Variants in MTSS1 observed in about 807,000 individuals in gnomAD.
The protein encoded by MTSS1 is protein MTSS 1.
MTSS1 carries 18 observed loss-of-function variants against 79.0 expected under a neutral mutation model. The ratio of observed to expected loss-of-function variants is 0.23; its 90% CI spans 0.16 to 0.34. The LOEUF is 0.34. Among genes scored for constraint, MTSS1 ranks in the 10% least tolerant of loss-of-function variants. The pLI is 1.00. For synonymous variants in MTSS1, 341 were observed against 368.6 expected (o/e 0.93, Z 0.86); for missense variants, 815 against 986.2 (o/e 0.83, Z 2.33).
chr8:124,572,747 T>TTC (rs1316285252), intron 6 of MTSS1, among the ~76,000 whole-genome samples: 1 of 147,056 alleles, frequency 6.8e-6, no homozygotes, highest in African/African-American at 2.5e-5. Flanking sequence ...TCTTTTCTTT[T>TTC]TTTTTTTTTT....
At chr8:124,569,915 C>T (rs1586879164) in intron 6 of MTSS1, among the ~76,000 whole-genome samples, 1 of 152,158 alleles carries the variant, frequency 6.6e-6, no homozygotes, top group African/African-American at 2.4e-5. Flanking sequence ...ATTCTCTGCC[C>T]CACCGCCTCG....
At chr8:124,572,661 A>G (rs546751578) in intron 6 of MTSS1, among the ~76,000 whole-genome samples, 4 of 152,074 alleles carry the variant, frequency 2.6e-5, no homozygotes, top group African/African-American at 9.6e-5. Context: ...ACAGATGCCA[A>G]CAGCCCCTAA....
chr8:124,658,769 C>T (rs1248676562), intron 3 of MTSS1, among the ~76,000 whole-genome samples: 6 of 152,114 alleles, frequency 3.9e-5, no homozygotes, highest in Non-Finnish European at 5.9e-5. Flanking sequence ...GGGGGAAATC[C>T]ACCCCCACAG....
chr8:124,598,741 C>T (rs943160772), intron 3 of MTSS1, among the ~76,000 whole-genome samples: 3 of 152,198 alleles, frequency 2.0e-5, no homozygotes, highest in Admixed American at 2.0e-4. Context: ...AGGCACTAAC[C>T]CCCTCTCCTA....
rs112524401 is a variant in MTSS1 at position 124,578,847 on chromosome 8, G to A, written c.460+6240C>T. ...CCCACCTAGGCCTCCCAAAGTGCTG[G>A]GATTACAGGCATGAGCCACCACGCC... On this transcript the variant is annotated intron_variant, in intron 6 of 13. Coordinates refer to ENST00000518547, the MANE Select transcript of MTSS1 (RefSeq NM_014751.6). 7.0e-3 allele frequency among the ~76,000 whole-genome samples: 1,056 copies of A among 151,726 alleles called. 13 individuals are homozygous for A. Among genetic ancestry groups the A allele is most frequent in the African/African-American group, 0.024 (1,005 of 41,446 alleles).
intron 3 of MTSS1, among the ~76,000 whole-genome samples, chr8:124,628,787 T>C (rs1815260634): frequency 6.6e-6 from 1 of 152,206 alleles, no homozygotes; most frequent in Non-Finnish European, 1.5e-5. Context: ...AGGCAATTCT[T>C]CATTGCCCAT....
intron 3 of MTSS1, among the ~76,000 whole-genome samples, chr8:124,657,657 G>C (rs1821220140): frequency 6.6e-6 from 1 of 152,178 alleles, no homozygotes; most frequent in African/African-American, 2.4e-5. Flanking sequence ...ATGGACAAGA[G>C]CACGTTCACA....
chr8:124,604,548 T>C (rs1038509265), intron 3 of MTSS1, among the ~76,000 whole-genome samples: 3 of 151,958 alleles, frequency 2.0e-5, no homozygotes, highest in South Asian at 2.1e-4. Flanking sequence ...TAACAACTCA[T>C]TTTAATCTTC....
intron 6 of MTSS1, among the ~76,000 whole-genome samples, chr8:124,578,392 C>T (rs932658602): frequency 8.5e-5 from 13 of 152,106 alleles, no homozygotes; most frequent in African/African-American, 3.1e-4. Context: ...ATCCCCTCCT[C>T]ATTCTTCAAC....
intron 9 of MTSS1, 81 bp from the exon 10 acceptor site, chr8:124,563,073 G>T: frequency 8.2e-7 from 1 of 1,223,588 alleles, no homozygotes; most frequent in Admixed American, 2.1e-5. Flanking sequence ...GAGGAAGGAG[G>T]GGAACAGATG....
At chr8:124,686,007 G>A (rs781160497) in intron 3 of MTSS1, among the ~76,000 whole-genome samples, 31 of 152,166 alleles carry the variant, frequency 2.0e-4, no homozygotes, top group Non-Finnish European at 3.5e-4. Flanking sequence ...GGAGCACCAC[G>A]ACCTCTCATC....
At chr8:124,589,591 G>C (rs749108297) in intron 5 of MTSS1, 29 bp downstream of exon 5, 3 of 1,580,152 alleles carry the variant, frequency 1.9e-6, no homozygotes, top group East Asian at 2.3e-5. Context: ...CCAGCGTGCA[G>C]TGATGCGCTA....
chr8:124,669,974 T>C (rs187178218), intron 3 of MTSS1, among the ~76,000 whole-genome samples: 2 of 152,308 alleles, frequency 1.3e-5, no homozygotes, highest in Admixed American at 6.5e-5. Flanking sequence ...ATTCACTCAA[T>C]AAATATTTAC....
rs1018388979 is a variant in MTSS1, at chr8:124,727,098, A to G, written c.72+786T>C. Among the ~76,000 whole-genome samples, 5 of 151,872 alleles carry G rather than the reference A, an allele frequency of 3.3e-5. No homozygotes were observed. Among genetic ancestry groups the G allele is most frequent in the South Asian group, 4.2e-4 (2 of 4,794 alleles). ...TCCCCGCCCCCACGCGCGCGCGCGC[A>G]CACACACATGCACGCGCGCACACAC... On this transcript the variant is annotated intron_variant, in intron 1 of 13. Transcript: ENST00000518547. The surrounding 1 kb of genome is among the most constrained non-coding windows in gnomAD (Gnocchi z 4.7).
intron 3 of MTSS1, among the ~76,000 whole-genome samples, chr8:124,643,971 G>C (rs778046621): frequency 6.6e-6 from 1 of 151,906 alleles, no homozygotes; most frequent in South Asian, 2.1e-4. Context: ...GTGTGGGTAT[G>C]TGTCTGTGAT....
At chr8:124,610,148 T>A (rs1033888751) in intron 3 of MTSS1, among the ~76,000 whole-genome samples, 2 of 152,214 alleles carry the variant, frequency 1.3e-5, no homozygotes, top group African/African-American at 4.8e-5. Flanking sequence ...TATGAGCACC[T>A]ACTATGTGCA....
chr8:124,595,455 G>A (rs1414953334), intron 3 of MTSS1, among the ~76,000 whole-genome samples: 1 of 152,114 alleles, frequency 6.6e-6, no homozygotes, highest in African/African-American at 2.4e-5. Context: ...CACTTCTAGA[G>A]GCTGCCTGCA....
At chr8:124,670,240 C>A (rs1410072511) in intron 3 of MTSS1, among the ~76,000 whole-genome samples, 1 of 152,122 alleles carries the variant, frequency 6.6e-6, no homozygotes, top group Non-Finnish European at 1.5e-5. Flanking sequence ...TGAAACCACA[C>A]AAAGATCTGC....
At chr8:124,711,371 G>C (rs1831135973) in intron 1 of MTSS1, among the ~76,000 whole-genome samples, 1 of 152,186 alleles carries the variant, frequency 6.6e-6, no homozygotes, top group South Asian at 2.1e-4. Context: ...TTATTTTAGA[G>C]CTGAGGAAAC....
Sources: gnomAD v4.1 joint callset for allele counts (sites outside exome capture counted in the v4.1 genomes callset) on GRCh38, gnomAD v4.1.1 for gene constraint, Gnocchi (gnomAD v3.1) non-coding constraint, MANE v1.5 for transcripts, NCBI Gene and HGNC (gene_info 2026-07-23, HGNC 2026-07-21) for gene names.